The following SFMBT2 variants were observed in gnomAD, a reference collection of about 807,000 sequenced individuals.
SFMBT2 encodes scm-like with four MBT domains protein 2.
Under a neutral mutation model 110.1 loss-of-function variants are expected in SFMBT2, and 38 were observed. The ratio of observed to expected loss-of-function variants is 0.35; its 90% CI spans 0.27 to 0.45. The LOEUF (loss-of-function observed/expected upper bound fraction) is 0.45, where lower values mean the gene tolerates loss of function less well. Among genes scored for constraint, SFMBT2 ranks in the 20% least tolerant of loss-of-function variants. The pLI, the probability that SFMBT2 is intolerant of heterozygous loss-of-function variation, is 1.00. For missense variants in SFMBT2, 1,011 were observed against 1,094.9 expected (o/e 0.92, Z 1.08); for synonymous variants, 425 against 425.4 (o/e 1.00, Z 0.01).
chr10:7,181,984 G>C (rs955791021), intron 16 of SFMBT2, among the ~76,000 whole-genome samples: 1 of 152,186 alleles, frequency 6.6e-6, no homozygotes, highest in Non-Finnish European at 1.5e-5. Flanking sequence ...AGGCACAGTG[G>C]ACAGGGGTTT....
chr10:7,218,032 A>T (rs1486086540), intron 11 of SFMBT2, among the ~76,000 whole-genome samples: 2 of 152,264 alleles, frequency 1.3e-5, no homozygotes, highest in African/African-American at 4.8e-5. Flanking sequence ...GAGAAGTCAG[A>T]TATTAACTAG....
At chr10:7,343,935 T>C (rs1480504639) in intron 4 of SFMBT2, among the ~76,000 whole-genome samples, 1 of 152,214 alleles carries the variant, frequency 6.6e-6, no homozygotes, top group African/African-American at 2.4e-5. Flanking sequence ...AGAGTTTAGA[T>C]GAGATGAGAA....
At chr10:7,215,673 A>T (rs1839512483) in intron 11 of SFMBT2, 1 of 985,278 alleles carries the variant, frequency 1.0e-6, no homozygotes, top group African/African-American at 1.7e-5. Context: ...TGCAGGGAGG[A>T]GAGTCCGCTG....
At chr10:7,202,918 C>G in intron 12 of SFMBT2, 3 of 985,410 alleles carry the variant, frequency 3.0e-6, no homozygotes, top group Non-Finnish European at 3.6e-6. Context: ...ACTATCACAG[C>G]ACACTCCCAA....
chr10:7,360,004 A>G (rs1844661615), intron 4 of SFMBT2, among the ~76,000 whole-genome samples: 1 of 152,244 alleles, frequency 6.6e-6, no homozygotes, highest in Non-Finnish European at 1.5e-5. Context: ...TCAACTATGA[A>G]ATAAGAATAA....
At chr10:7,401,244 G>C (rs1846074943) in intron 1 of SFMBT2, among the ~76,000 whole-genome samples, 1 of 152,162 alleles carries the variant, frequency 6.6e-6, no homozygotes, top group Non-Finnish European at 1.5e-5. Context: ...CTTTTCATTA[G>C]GTCAATGGGA....
intron 1 of SFMBT2, among the ~76,000 whole-genome samples, chr10:7,391,452 C>A (rs1317607267): frequency 1.4e-5 from 2 of 143,156 alleles, no homozygotes; most frequent in Non-Finnish European, 3.0e-5. Flanking sequence ...GGCAACAGAG[C>A]GAGACTCTGT....
chr10:7,327,227 TA>T (rs1437187902), intron 4 of SFMBT2, among the ~76,000 whole-genome samples: 1 of 151,980 alleles, frequency 6.6e-6, no homozygotes, highest in Non-Finnish European at 1.5e-5. Flanking sequence ...TTGTTTCTAT[TA>T]CACAATAAAG....
intron 2 of SFMBT2, among the ~76,000 whole-genome samples, chr10:7,376,562 G>T (rs1845213984): frequency 6.6e-6 from 1 of 151,152 alleles, no homozygotes; most frequent in African/African-American, 2.4e-5. Flanking sequence ...AGCCAGGCGT[G>T]GTGGTGGGCA....
At chr10:7,167,598 C>A (rs575418777) in intron 20 of SFMBT2, among the ~76,000 whole-genome samples, 2 of 152,108 alleles carry the variant, frequency 1.3e-5, no homozygotes, top group African/African-American at 4.8e-5. Flanking sequence ...CGGTGACCTA[C>A]CGGAGGCCTC....
intron 15 of SFMBT2, chr10:7,189,017 AG>A (rs1838512193): frequency 2.9e-5 from 12 of 407,476 alleles, no homozygotes; most frequent in Non-Finnish European, 4.0e-5. Flanking sequence ...TTCTAGTTGC[AG>A]AAAAGCTGAA....
intron 11 of SFMBT2, among the ~76,000 whole-genome samples, chr10:7,216,504 A>G (rs1839546017): frequency 6.6e-6 from 1 of 152,170 alleles, no homozygotes; most frequent in African/African-American, 2.4e-5. Context: ...TGAGTCCATT[A>G]AACCTATTTT....
intron 3 of SFMBT2, among the ~76,000 whole-genome samples, chr10:7,368,922 A>G (rs1340488312): frequency 6.6e-6 from 1 of 152,246 alleles, no homozygotes. Flanking sequence ...ATGAGTATAA[A>G]GAGAAATGGA....
intron 4 of SFMBT2, among the ~76,000 whole-genome samples, chr10:7,307,246 G>A (rs979932241): frequency 2.6e-5 from 4 of 152,132 alleles, no homozygotes; most frequent in Non-Finnish European, 4.4e-5. Flanking sequence ...AGAGAACTCA[G>A]TATTATAAAG....
intron 7 of SFMBT2, among the ~76,000 whole-genome samples, chr10:7,265,942 T>G (rs1841374186): frequency 6.6e-6 from 1 of 152,042 alleles, no homozygotes; most frequent in Non-Finnish European, 1.5e-5. Flanking sequence ...GGAGGCCAAA[T>G]GCAAAAAACT....
chr10:7,231,492 CATT>C (rs1840110100), intron 9 of SFMBT2, among the ~76,000 whole-genome samples: 1 of 152,230 alleles, frequency 6.6e-6, no homozygotes, highest in South Asian at 2.1e-4. Context: ...TACACAAAGA[CATT>C]AAGCTGGGCT....
At position 7,287,392 on chromosome 10, in the gene SFMBT2, A is replaced by T. The variant is rs373045005; in HGVS notation, c.437-1438T>A. ...CCGCACCCGGCCAAGGCATCTTTTG[A>T]AAAAGAAGTATCAGACTGTGGAGGG... On this transcript the variant is annotated intron_variant, in intron 4 of 20. Transcript: ENST00000397167. The T allele has an allele frequency of 4.0e-4, 97 of 244,118 alleles. 1 individual carries two copies. Among genetic ancestry groups the T allele is most frequent in the East Asian group, 2.7e-3 (15 of 5,624 alleles). The allele number at this position is 244,118 out of a possible 1,614,324, so 15.1% of individuals were successfully genotyped here.
At chr10:7,398,363 G>C (rs557896946) in intron 1 of SFMBT2, among the ~76,000 whole-genome samples, 28 of 152,348 alleles carry the variant, frequency 1.8e-4, no homozygotes, top group African/African-American at 5.8e-4. Context: ...AGTTGCTCAG[G>C]AGGAGAAAAC....
chr10:7,176,939 T>C (rs369395473), intron 16 of SFMBT2, among the ~76,000 whole-genome samples: 14 of 152,048 alleles, frequency 9.2e-5, no homozygotes, highest in African/African-American at 3.4e-4. Flanking sequence ...ATCTCTCAAG[T>C]GTAAAGGGAG....
Sources: gnomAD v4.1 joint callset for allele counts (sites outside exome capture counted in the v4.1 genomes callset) on GRCh38, gnomAD v4.1.1 for gene constraint, MANE v1.5 for transcripts, NCBI Gene and HGNC (gene_info 2026-07-23, HGNC 2026-07-21) for gene names.